CRTC3: variants seen among roughly 807,000 people sequenced by gnomAD.
The protein encoded by CRTC3 is CREB regulated transcription coactivator 3, also known as CREB-regulated transcription coactivator 3.
Under a neutral mutation model 74.5 loss-of-function variants are expected in CRTC3, and 26 were observed. That is an observed-to-expected ratio of 0.35 (90% confidence interval 0.26 to 0.48). CRTC3 has a LOEUF of 0.48. CRTC3 is among the 20% of genes least tolerant of loss of function. The pLI is 0.99. For synonymous variants in CRTC3, 377 were observed against 325.8 expected, an observed-to-expected ratio of 1.16 and a Z score of -1.69; for missense variants, 760 against 787.3, an observed-to-expected ratio of 0.97 and a Z score of 0.41.
intron 3 of CRTC3, chr15:90,598,382 CAGA>C (rs35117128): frequency 0.022 from 15,474 of 701,620 alleles, 675 homozygotes; most frequent in East Asian, 0.14. Context: ...CCTCTCTTAT[CAGA>C]AGAAGAAGAG....
At chr15:90,608,254 T>C (rs1968276451) in intron 6 of CRTC3, among the ~76,000 whole-genome samples, 1 of 152,064 alleles carries the variant, frequency 6.6e-6, no homozygotes. Flanking sequence ...ATCATCTTGC[T>C]CTCCCACTTA....
chr15:90,537,472 C>T (rs1425993254), intron 1 of CRTC3, among the ~76,000 whole-genome samples: 1 of 152,148 alleles, frequency 6.6e-6, no homozygotes, highest in Non-Finnish European at 1.5e-5. Context: ...CAAGCTCCGC[C>T]TCCCGGGTTC....
intron 2 of CRTC3, among the ~76,000 whole-genome samples, chr15:90,564,592 C>A (rs1371043988): frequency 5.3e-5 from 8 of 152,142 alleles, no homozygotes; most frequent in South Asian, 2.1e-4. Flanking sequence ...ATGTTCTTTT[C>A]TTGCTTCTCA....
rs957161729 is a variant in CRTC3, at chr15:90,643,199, A to C, written c.*1059A>C. 4.3e-6 allele frequency: 1 copy of C among 232,670 alleles called. No individual in the cohort carries two copies. Among genetic ancestry groups the C allele is most frequent in the Non-Finnish European group, 8.5e-6 (1 of 117,658 alleles). The allele number at this position is 232,670 out of a possible 1,614,324, so 14.4% of individuals were successfully genotyped here. A position where few individuals can be genotyped will look rare whatever the true frequency, so the allele number is the denominator to read the frequency against. ...TCGTGTGCTGGAGTGAGTGCTGCAG[A>C]ACCGTGCGTGCAGCGCATGATGAAT... is the stretch of plus-strand genomic sequence containing the variant. On this transcript the variant is annotated 3_prime_UTR_variant, in exon 15 of 15. Transcript: ENST00000268184.
Position 90,600,209 on chromosome 15 carries a change from G to C in CRTC3, c.352-2115G>C, listed in dbSNP as rs572120604. On this transcript the variant is annotated intron_variant, in intron 3 of 14. Transcript: ENST00000268184. ...ACTTGTCAAAGAAAACGAATACATA[G>C]AAGATGAAACTTGCAATCCTAATGC... 15 of 152,326 alleles carry C rather than the reference G, an allele frequency of 9.8e-5. 1 individual carries two copies. The highest frequency in any genetic ancestry group is 3.6e-4 in the African/African-American group (15 of 41,578). 9.4% of individuals were successfully genotyped at this position (152,326 alleles called of 1,614,324 possible). A position where few individuals can be genotyped will look rare whatever the true frequency, so the allele number is the denominator to read the frequency against.
At chr15:90,561,588 A>G (rs1040608118) in intron 2 of CRTC3, among the ~76,000 whole-genome samples, 1 of 152,184 alleles carries the variant, frequency 6.6e-6, no homozygotes, top group East Asian at 1.9e-4. Flanking sequence ...ATTCCCTCGC[A>G]TTTTGAATCT....
At chr15:90,641,697 A>C (rs1194446652) in intron 14 of CRTC3, among the ~76,000 whole-genome samples, 3 of 152,054 alleles carry the variant, frequency 2.0e-5, no homozygotes, top group Non-Finnish European at 1.5e-5. Flanking sequence ...AAAAAAAAAA[A>C]AGATTTCATC....
chr15:90,604,286 G>A (rs773064651), intron 4 of CRTC3, 99 bp from the exon 5 acceptor site: 61 of 855,808 alleles, frequency 7.1e-5, no homozygotes, highest in Non-Finnish European at 1.2e-4. Context: ...GCAGAGCGAG[G>A]TGAGTAGAAG....
At chr15:90,591,498 C>T (rs1461297245) in intron 2 of CRTC3, among the ~76,000 whole-genome samples, 2 of 152,156 alleles carry the variant, frequency 1.3e-5, no homozygotes, top group Admixed American at 6.5e-5. Context: ...CCCTTCTCCC[C>T]ACCTTGTGGA....
chr15:90,607,106 C>T (rs1336605114), intron 5 of CRTC3, among the ~76,000 whole-genome samples: 1 of 152,144 alleles, frequency 6.6e-6, no homozygotes, highest in Admixed American at 6.5e-5. Flanking sequence ...GCCATGAATC[C>T]GAGGCCCACC....
chr15:90,642,407 T>C lies in CRTC3; in HGVS notation c.*267T>C, dbSNP rs1416904260. 1.9e-6 allele frequency: 1 copy of C among 516,996 alleles called. No individual in the cohort carries two copies. Among genetic ancestry groups the C allele is most frequent in the Non-Finnish European group, 3.5e-6 (1 of 285,198 alleles). 32.0% of individuals were successfully genotyped at this position (516,996 alleles called of 1,614,324 possible). ...CTTCCCATGAACTGGAAAGCTCACC[T>C]CCACTGCATCTTTTTACTGGCCATC... On this transcript the variant is annotated 3_prime_UTR_variant, in exon 15 of 15. Transcript: ENST00000268184.
At chr15:90,547,501 TTTTTTCTAACCCAA>T (rs1366812022) in intron 2 of CRTC3, among the ~76,000 whole-genome samples, 7 of 152,236 alleles carry the variant, frequency 4.6e-5, no homozygotes, top group Non-Finnish European at 7.3e-5. Context: ...AGTGCATTCT[TTTTTTCTAACCCAA>T]TGAGCCCTTA....
chr15:90,546,593 T>C (rs1966844596), intron 2 of CRTC3, among the ~76,000 whole-genome samples: 2 of 152,172 alleles, frequency 1.3e-5, no homozygotes, highest in Non-Finnish European at 2.9e-5. Flanking sequence ...AGAATCAGCT[T>C]GTTAATGTCT....
At chr15:90,537,662 G>A (rs983521633) in intron 1 of CRTC3, among the ~76,000 whole-genome samples, 3 of 152,124 alleles carry the variant, frequency 2.0e-5, no homozygotes, top group African/African-American at 7.2e-5. Flanking sequence ...GGGATTTACA[G>A]GTATGAGCCA....
In CRTC3 at chr15:90,629,462, C is replaced by T. The variant is rs547087577; in HGVS notation, c.1196C>T (p.Pro399Leu). The T allele has an allele frequency of 3.1e-6, 5 of 1,614,144 alleles. No individual in the cohort carries two copies. Among genetic ancestry groups the T allele is most frequent in the Non-Finnish European group, 4.2e-6 (5 of 1,180,034 alleles). ...PVSPLTLSPG[P>L]EAHQGFSRQL... ...AGCCCTCTCACGCTTTCTCCTGGCC[C>T]TGAAGCACATCAAGGTTTCAGCAGA... Residue 399 changes from proline to leucine, a missense_variant, in exon 11 of 15, where the codon CCT becomes CTT. Around this residue, in one of 2 missense-constraint regions of CRTC3, gnomAD observed 652 missense variants for 635.2 expected, o/e 1.03. Transcript: ENST00000268184.
rs1035511180 is a variant in CRTC3, at chr15:90,643,775, C to T, written c.*1635C>T. 1 of 232,810 alleles carries T rather than the reference C, an allele frequency of 4.3e-6. No individual in the cohort carries two copies. The highest frequency in any genetic ancestry group is 2.2e-5 in the African/African-American group (1 of 45,188). 14.4% of individuals were successfully genotyped at this position (232,810 alleles called of 1,614,324 possible). A position where few individuals can be genotyped will look rare whatever the true frequency, so the allele number is the denominator to read the frequency against. On this transcript the variant is annotated 3_prime_UTR_variant, in exon 15 of 15. Transcript: ENST00000268184. Reference sequence around the variant, plus strand: ...AGGACAGGGTGGAGAGGAGGAGAACCCTGAAGGAGAGACGGAAGATGCCAG... The same window carrying T: ...AGGACAGGGTGGAGAGGAGGAGAACTCTGAAGGAGAGACGGAAGATGCCAG...
chr15:90,635,460 C>T (rs891315622), intron 11 of CRTC3, among the ~76,000 whole-genome samples: 7 of 152,098 alleles, frequency 4.6e-5, no homozygotes, highest in Non-Finnish European at 1.0e-4. Flanking sequence ...GCCTGGCCAA[C>T]ATGGTGAAAC....
In CRTC3 at chr15:90,545,737, C is replaced by T. The variant is rs540389091; in HGVS notation, c.231+5600C>T. Among the ~76,000 whole-genome samples, 48 of 106,282 alleles carry T rather than the reference C, an allele frequency of 4.5e-4. No individual in the cohort carries two copies. In the East Asian group the frequency reaches 0.01, roughly 23 times the overall value. 69.7% of individuals were successfully genotyped at this position (106,282 alleles called of 152,430 possible). A position where few individuals can be genotyped will look rare whatever the true frequency, so the allele number is the denominator to read the frequency against. On this transcript the variant is annotated intron_variant, in intron 2 of 14. Coordinates refer to ENST00000268184, the MANE Select transcript of CRTC3 (RefSeq NM_022769.5). The stretch of plus-strand genomic sequence containing the variant: ...GACTACAGGCACCTGCCACCACGCC[C>T]GGGTAATTTTTTTTGTATTTTTAGT...
At chr15:90,576,480 A>C (rs1034663447) in intron 2 of CRTC3, among the ~76,000 whole-genome samples, 1 of 151,956 alleles carries the variant, frequency 6.6e-6, no homozygotes, top group African/African-American at 2.4e-5. Flanking sequence ...AGGTGCCTGC[A>C]GGTAGTCCTA....
Sources: allele counts gnomAD v4.1 joint callset (sites outside exome capture counted in the v4.1 genomes callset), GRCh38; gene constraint gnomAD v4.1.1; regional missense constraint gnomAD v4.1.1; transcripts MANE v1.5; gene names NCBI Gene and HGNC (gene_info 2026-07-23, HGNC 2026-07-21).